Variants in SP3 observed in about 807,000 individuals in gnomAD.
SP3 encodes transcription factor Sp3.
Under a neutral mutation model 70.3 loss-of-function variants are expected in SP3, and 10 were observed. That is an observed-to-expected ratio of 0.14 (90% CI 0.09 to 0.24). The LOEUF is 0.24. Ranked by LOEUF, SP3 falls within the 10% of genes least tolerant of loss-of-function variation. SP3 has a pLI of 1.00. For synonymous variants in SP3, 402 were observed against 333.5 expected (o/e 1.21, Z -2.24); for missense variants, 825 against 914.6 (o/e 0.90, Z 1.26).
intron 4 of SP3, 93 bp from the exon 5 acceptor site, chr2:173,918,878 C>G: frequency 9.2e-7 from 1 of 1,085,574 alleles, no homozygotes; most frequent in Non-Finnish European, 1.3e-6. Flanking sequence ...AATGTTACAA[C>G]TTTGCATGCA....
rs1340993709 is a variant in SP3, at chr2:173,906,116, G to A, written c.*3825C>T. Among the ~76,000 whole-genome samples, 1 of 152,156 alleles carries A rather than the reference G, an allele frequency of 6.6e-6. No individual in the cohort carries two copies. The highest frequency in any genetic ancestry group is 2.4e-5 in the African/African-American group (1 of 41,426). On this transcript the variant is annotated 3_prime_UTR_variant, in exon 7 of 7. Coordinates refer to ENST00000310015, the MANE Select transcript of SP3 (RefSeq NM_003111.5). ...AATTCTTCTCTTTTGCAATTTGGCA[G>A]CCCCTCTTAAAAATTTTTCCACTCT...
At chr2:173,964,965 C>CGGCGTTGCTGGGGCTTCGGGG (rs1185749547) in intron 1 of SP3, 200 bp downstream of exon 1, 6 of 638,406 alleles carry the variant, frequency 9.4e-6, no homozygotes, top group Non-Finnish European at 1.5e-5. Context: ...GGCGGGGAGA[C>CGGCGTTGCTGGGGCTTCGGGG]GGCGTTGCTG....
intron 4 of SP3, among the ~76,000 whole-genome samples, chr2:173,931,064 G>A (rs1690051834): frequency 6.6e-6 from 1 of 151,956 alleles, no homozygotes; most frequent in South Asian, 2.1e-4. Context: ...ATACTATACT[G>A]CAGTCTATTA....
At chr2:173,935,139 C>T (rs986304139) in intron 4 of SP3, among the ~76,000 whole-genome samples, 12 of 152,146 alleles carry the variant, frequency 7.9e-5, no homozygotes, top group Admixed American at 1.3e-4. Flanking sequence ...GAGGCCGAGG[C>T]GGGAGAACTG....
At chr2:173,961,944 T>TTTTTG (rs1691098496) in intron 3 of SP3, among the ~76,000 whole-genome samples, 1 of 150,864 alleles carries the variant, frequency 6.6e-6, no homozygotes, top group African/African-American at 2.4e-5. Flanking sequence ...GGTTTTTTTT[T>TTTTTG]TTTTTTTTTT....
At chr2:173,924,497 T>C (rs1032905466) in intron 4 of SP3, among the ~76,000 whole-genome samples, 2 of 152,246 alleles carry the variant, frequency 1.3e-5, no homozygotes, top group Non-Finnish European at 2.9e-5. Flanking sequence ...ATATGATGGC[T>C]AAACACATAA....
chr2:173,915,510 T>C (rs1346348616), intron 5 of SP3: 1 of 152,178 alleles, frequency 6.6e-6, no homozygotes, highest in Non-Finnish European at 1.5e-5. Context: ...GTTTTTATTC[T>C]TGAGTGTCTA....
At chr2:173,929,826 A>G (rs1690022305) in intron 4 of SP3, among the ~76,000 whole-genome samples, 1 of 152,204 alleles carries the variant, frequency 6.6e-6, no homozygotes. Context: ...TATGGGGCAG[A>G]GAGCAAGATC....
intron 2 of SP3, 103 bp downstream of exon 2, chr2:173,964,302 G>C: frequency 1.7e-6 from 1 of 571,994 alleles, no homozygotes; most frequent in East Asian, 3.4e-5. Flanking sequence ...GAGGGGAGGG[G>C]AGAGACGAGG....
At chr2:173,949,029 A>C (rs1213445867) in intron 4 of SP3, among the ~76,000 whole-genome samples, 2 of 152,170 alleles carry the variant, frequency 1.3e-5, no homozygotes, top group South Asian at 4.1e-4. Context: ...CTTACACAAC[A>C]ACCTTTTATG....
chr2:173,962,439 C>G (rs1382505763), intron 3 of SP3, among the ~76,000 whole-genome samples: 2 of 152,194 alleles, frequency 1.3e-5, no homozygotes, highest in African/African-American at 4.8e-5. Context: ...AAAAAATCTA[C>G]CAACTCTCAG....
In SP3 at chr2:173,965,249, A is replaced by T. The variant is rs1265560830; in HGVS notation, c.-78T>A. The T allele has an allele frequency of 1.3e-6, 2 of 1,502,038 alleles. No homozygotes were observed. Among genetic ancestry groups the T allele is most frequent in the African/African-American group, 2.8e-5 (2 of 71,028 alleles). 93.0% of individuals were successfully genotyped at this position (1,502,038 alleles called of 1,614,324 possible). ...GGAGCGAAGGCGGCGGCGGCGGGAGAGGATGCGGGAAGCGGCGGCGGACAC... is the reference window on the plus strand; with the variant it reads ...GGAGCGAAGGCGGCGGCGGCGGGAGTGGATGCGGGAAGCGGCGGCGGACAC... On this transcript the variant is annotated 5_prime_UTR_variant, in exon 1 of 7. Transcript: ENST00000310015.
intron 4 of SP3, among the ~76,000 whole-genome samples, chr2:173,947,003 A>AT (rs1690562850): frequency 6.6e-6 from 1 of 152,048 alleles, no homozygotes; most frequent in East Asian, 1.9e-4. Flanking sequence ...GATTAGAGGC[A>AT]TGAGCCACCA....
chr2:173,958,584 A>G (rs1205886995), intron 3 of SP3, among the ~76,000 whole-genome samples: 47 of 90,622 alleles, frequency 5.2e-4, no homozygotes, highest in African/African-American at 1.8e-3. Flanking sequence ...CGATGGGGGA[A>G]AAAAAAAAAA....
chr2:173,903,818 C>G lies in SP3; in HGVS notation c.*6123G>C, dbSNP rs1689237628. On this transcript the variant is annotated 3_prime_UTR_variant, in exon 7 of 7. Coordinates refer to ENST00000310015, the MANE Select transcript of SP3 (RefSeq NM_003111.5). ...TCTTGGACACATTCTACCAGTCTTT[C>G]AAGGCCCACCCTTTCTGATTCATCC... Among the ~76,000 whole-genome samples the G allele has an allele frequency of 6.6e-6, 1 of 152,200 alleles. No homozygotes were observed. Among genetic ancestry groups the G allele is most frequent in the South Asian group, 2.1e-4 (1 of 4,824 alleles).
At position 173,903,158 on chromosome 2, in the gene SP3, C is replaced by G. The variant is rs1689219783; in HGVS notation, c.*6783G>C. The stretch of plus-strand genomic sequence containing the variant: ...AACAATAGTTGAAGACAACTATTTT[C>G]AAGTGTAGGAAGACTACTGATTCTT... On this transcript the variant is annotated 3_prime_UTR_variant, in exon 7 of 7. Coordinates refer to ENST00000310015, the MANE Select transcript of SP3 (RefSeq NM_003111.5). Among the ~76,000 whole-genome samples, 1 of 152,216 alleles carries G rather than the reference C, an allele frequency of 6.6e-6. No homozygotes were observed. Among genetic ancestry groups the G allele is most frequent in the Non-Finnish European group, 1.5e-5 (1 of 68,036 alleles).
At position 173,906,596 on chromosome 2, in the gene SP3, C is replaced by T. The variant is rs1689331229; in HGVS notation, c.*3345G>A. Reference sequence around the variant, plus strand: ...ATGTCAGTTTATATTATTTTAAAACCAAATGTTATTCCATAATCATTTATG... The same window carrying T: ...ATGTCAGTTTATATTATTTTAAAACTAAATGTTATTCCATAATCATTTATG... On this transcript the variant is annotated 3_prime_UTR_variant, in exon 7 of 7. Coordinates refer to ENST00000310015, the MANE Select transcript of SP3 (RefSeq NM_003111.5). 6.6e-6 allele frequency: 1 copy of T among 152,086 alleles called. No homozygotes were observed. The highest frequency in any genetic ancestry group is 2.1e-4 in the South Asian group (1 of 4,828). The allele number at this position is 152,086 out of a possible 1,614,324, so 9.4% of individuals were successfully genotyped here. A position where few individuals can be genotyped will look rare whatever the true frequency, so the allele number is the denominator to read the frequency against.
chr2:173,908,004 T>C lies in SP3; in HGVS notation c.*1937A>G, dbSNP rs1267488518. The C allele has an allele frequency of 3.3e-5, 5 of 152,076 alleles. No homozygotes were observed. Among genetic ancestry groups the C allele is most frequent in the Non-Finnish European group, 5.9e-5 (4 of 67,956 alleles). 9.4% of individuals were successfully genotyped at this position (152,076 alleles called of 1,614,324 possible). ...AATGGACATCTTTACCCCCACTGTA[T>C]ACATGTGTTAAGAAACTTGATTTTT... On this transcript the variant is annotated 3_prime_UTR_variant, in exon 7 of 7. Coordinates refer to ENST00000310015, the MANE Select transcript of SP3 (RefSeq NM_003111.5).
chr2:173,949,522 G>A (rs1045269675), intron 4 of SP3, among the ~76,000 whole-genome samples: 9 of 151,998 alleles, frequency 5.9e-5, no homozygotes, highest in African/African-American at 9.7e-5. Flanking sequence ...CTATCCAACC[G>A]TGAGAATAGT....
Sources: gnomAD v4.1 joint callset for allele counts (sites outside exome capture counted in the v4.1 genomes callset) on GRCh38, gnomAD v4.1.1 for gene constraint, MANE v1.5 for transcripts, NCBI Gene and HGNC (gene_info 2026-07-23, HGNC 2026-07-21) for gene names.